CCDC57: variants seen among roughly 807,000 people sequenced by gnomAD.
The protein encoded by CCDC57 is coiled-coil domain-containing protein 57.
In CCDC57, 118 loss-of-function variants were observed where a neutral mutation model predicts 118.9. That is an observed-to-expected ratio of 0.99 (90% confidence interval 0.86 to 1.16). The LOEUF (loss-of-function observed/expected upper bound fraction) is 1.16, where lower values mean the gene tolerates loss of function less well. Ranked by LOEUF, CCDC57 falls within the 50% of genes most tolerant of loss-of-function variation. CCDC57 has a pLI of 0.00. For missense variants in CCDC57, 1,300 were observed against 1,320.7 expected, an observed-to-expected ratio of 0.98 and a Z score of 0.24; for synonymous variants, 527 against 532.9, an observed-to-expected ratio of 0.99 and a Z score of 0.15.
At position 82,172,715 on chromosome 17, in the gene CCDC57, G is replaced by A; in HGVS notation, c.1652C>T (p.Pro551Leu). 1.3e-6 allele frequency: 2 copies of A among 1,585,060 alleles called. No individual in the cohort carries two copies. The highest frequency in any genetic ancestry group is 1.7e-6 in the Non-Finnish European group (2 of 1,165,472). ...GCTCTCTGCCGCTGTCTGGATGGGA[G>A]GAGGAATCTGATGGCTTAGAGCCTC... The change falls in exon 12 of 20, where the codon CCT (proline) becomes CTT (leucine). Residue 551 changes from proline to leucine, a missense_variant. Coordinates refer to ENST00000665763, the Ensembl canonical transcript of CCDC57. The surrounding 1 kb of genome is among the most constrained non-coding windows in gnomAD (Gnocchi z 5.2).
intron 19 of CCDC57, among the ~76,000 whole-genome samples, chr17:82,123,982 CAAA>C (rs200031813): frequency 1.1e-4 from 7 of 64,298 alleles, no homozygotes; most frequent in African/African-American, 2.4e-4. Context: ...CATCCAAAAG[CAAA>C]AAAAAAAAAA....
At chr17:82,197,890 T>G (rs1037895774) in intron 4 of CCDC57, among the ~76,000 whole-genome samples, 1 of 152,226 alleles carries the variant, frequency 6.6e-6, no homozygotes, top group Non-Finnish European at 1.5e-5. Context: ...CTCACATCAG[T>G]GGCTCCCTGG....
In CCDC57 at chr17:82,192,272, A is replaced by G. The variant is rs1057110440; in HGVS notation, c.851+1484T>C. ...AGTGCTGTGTGATTATTTTAATGACATTTTCTTTCCTCTAGCTAGCATTAC... is the reference window on the plus strand; with the variant it reads ...AGTGCTGTGTGATTATTTTAATGACGTTTTCTTTCCTCTAGCTAGCATTAC... On this transcript the variant is annotated intron_variant, in intron 7 of 19. Transcript: ENST00000665763. This position sits in a 1 kb window ranked among gnomAD's most constrained non-coding sequence, Gnocchi z 4.0. 6.6e-6 allele frequency among the ~76,000 whole-genome samples: 1 copy of G among 151,996 alleles called. No individual in the cohort carries two copies. Among genetic ancestry groups the G allele is most frequent in the African/African-American group, 2.4e-5 (1 of 41,360 alleles).
intron 11 of CCDC57, among the ~76,000 whole-genome samples, chr17:82,177,113 C>T (rs1178697406): frequency 1.3e-5 from 2 of 152,034 alleles, no homozygotes; most frequent in African/African-American, 4.8e-5. Flanking sequence ...GGCGTGGTGG[C>T]TCATGCCTGT....
At chr17:82,164,435 A>G (rs1365375526) in intron 13 of CCDC57, among the ~76,000 whole-genome samples, 1 of 152,160 alleles carries the variant, frequency 6.6e-6, no homozygotes, top group Non-Finnish European at 1.5e-5. Context: ...GGAGGAAGAA[A>G]AGATAACGTT....
chr17:82,166,646 G>T (rs1230652013), intron 13 of CCDC57, among the ~76,000 whole-genome samples: 1 of 151,878 alleles, frequency 6.6e-6, no homozygotes, highest in Non-Finnish European at 1.5e-5. Flanking sequence ...GATGGCTCAT[G>T]CCTGTAATCC....
At chr17:82,134,670 T>C (rs1466894578) in intron 16 of CCDC57, among the ~76,000 whole-genome samples, 2 of 152,120 alleles carry the variant, frequency 1.3e-5, no homozygotes, top group Non-Finnish European at 2.9e-5. Flanking sequence ...GGTGGGCACC[T>C]GTAATCCCAG....
chr17:82,200,921 G>A (rs757025855), intron 3 of CCDC57, among the ~76,000 whole-genome samples: 3 of 152,192 alleles, frequency 2.0e-5, no homozygotes, highest in Non-Finnish European at 4.4e-5. Context: ...CTGTACACAC[G>A]CATCACACAG....
Position 82,128,475 on chromosome 17 carries a change from G to C in CCDC57, c.2682+18C>G. Reference sequence around the variant, plus strand: ...ACACCCCACACAGCTGCACTTGCTCGGGCGCCGCCACTCTCACCTTCGGGC... The same window carrying C: ...ACACCCCACACAGCTGCACTTGCTCCGGCGCCGCCACTCTCACCTTCGGGC... On this transcript the variant is annotated intron_variant, in intron 18 of 19. Coordinates refer to ENST00000665763, the Ensembl canonical transcript of CCDC57. 1 of 1,528,080 alleles carries C rather than the reference G, an allele frequency of 6.5e-7. No individual in the cohort carries two copies. Among genetic ancestry groups the C allele is most frequent in the South Asian group, 1.2e-5 (1 of 83,678 alleles). The allele number at this position is 1,528,080 out of a possible 1,614,324, so 94.7% of individuals were successfully genotyped here.
chr17:82,125,930 ATG>A (rs1450290746), intron 19 of CCDC57, among the ~76,000 whole-genome samples: 1 of 152,154 alleles, frequency 6.6e-6, no homozygotes, highest in African/African-American at 2.4e-5. Flanking sequence ...GAGTCCGAAT[ATG>A]CGGGAAGTGT....
intron 18 of CCDC57, among the ~76,000 whole-genome samples, 181 bp downstream of exon 17, chr17:82,128,312 G>A (rs560968813): frequency 6.6e-6 from 1 of 152,258 alleles, no homozygotes; most frequent in Non-Finnish European, 1.5e-5. Context: ...TACCACCCTT[G>A]TGGGACCACC....
chr17:82,159,932 G>A (rs1174776037), intron 14 of CCDC57: 1 of 151,802 alleles, frequency 6.6e-6, no homozygotes, highest in Non-Finnish European at 1.5e-5. Flanking sequence ...GACTCCCAAG[G>A]TGCTGGGATT....
intron 8 of CCDC57, among the ~76,000 whole-genome samples, chr17:82,185,521 A>G (rs1322234467): frequency 6.6e-6 from 1 of 151,760 alleles, no homozygotes; most frequent in Admixed American, 6.6e-5. Flanking sequence ...TGGGAGGCTG[A>G]GGGGGGTGGA....
intron 16 of CCDC57, among the ~76,000 whole-genome samples, chr17:82,146,534 C>A (rs1259274169): frequency 6.6e-6 from 1 of 152,134 alleles, no homozygotes; most frequent in Non-Finnish European, 1.5e-5. Flanking sequence ...CACACAACAC[C>A]ATGCCCAGCT....
intron 11 of CCDC57, among the ~76,000 whole-genome samples, chr17:82,176,468 C>A (rs1194518912): frequency 6.6e-6 from 1 of 152,216 alleles, no homozygotes; most frequent in Non-Finnish European, 1.5e-5. Context: ...ACGCTTGATG[C>A]ACCGCTACCT....
At chr17:82,157,503 C>T in intron 15 of CCDC57, 1 of 1,422,002 alleles carries the variant, frequency 7.0e-7, no homozygotes, top group South Asian at 1.5e-5. Context: ...TGGGCCCGTC[C>T]CGCCCCCCAC....
intron 16 of CCDC57, among the ~76,000 whole-genome samples, chr17:82,136,596 A>AAG (rs1555692909): frequency 0.013 from 1,858 of 147,878 alleles, 28 homozygotes; most frequent in African/African-American, 0.039. Context: ...AAAAAAAAAA[A>AAG]AAAGAAAACT....
At chr17:82,110,984 AAAAAG>A (rs1346835927) in intron 19 of CCDC57, among the ~76,000 whole-genome samples, 10 of 151,946 alleles carry the variant, frequency 6.6e-5, no homozygotes, top group East Asian at 1.9e-4. Flanking sequence ...AAAGAAAAAA[AAAAAG>A]AAAAGAAAAA....
Position 82,133,693 on chromosome 17 carries a change from T to C in CCDC57, c.2577+380A>G, listed in dbSNP as rs1027923125. 3.3e-5 allele frequency among the ~76,000 whole-genome samples: 5 copies of C among 151,972 alleles called. No individual in the cohort carries two copies. The East Asian group carries it at 9.7e-4, about 29-fold the overall frequency. ...CTGGCCAATATGGTAAAACCCCATC[T>C]CTACTAAAAATACAAAAATTAGTCA... is the stretch of plus-strand genomic sequence containing the variant. On this transcript the variant is annotated intron_variant, in intron 17 of 19. Coordinates refer to ENST00000665763, the Ensembl canonical transcript of CCDC57.
Sources: gnomAD v4.1 joint callset for allele counts (sites outside exome capture counted in the v4.1 genomes callset) on GRCh38, gnomAD v4.1.1 for gene constraint, Gnocchi (gnomAD v3.1) non-coding constraint, MANE v1.5 for transcripts, NCBI Gene and HGNC (gene_info 2026-07-23, HGNC 2026-07-21) for gene names.